ALK: variants seen among roughly 807,000 people sequenced by gnomAD.
The protein encoded by ALK is ALK tyrosine kinase receptor.
ALK carries 74 observed loss-of-function variants against 163.1 expected under a neutral mutation model. The ratio of observed to expected loss-of-function variants is 0.45; its 90% CI spans 0.38 to 0.55. The LOEUF (loss-of-function observed/expected upper bound fraction) is 0.55. Ranked by LOEUF, ALK falls within the 20% of genes least tolerant of loss-of-function variation. The pLI is 0.00. For missense variants in ALK, 2,063 were observed against 2,105.3 expected (o/e 0.98, Z 0.39); for synonymous variants, 960 against 843.2 (o/e 1.14, Z -2.40).
intron 1 of ALK, among the ~76,000 whole-genome samples, chr2:29,866,488 G>A (rs751927746): frequency 1.6e-4 from 24 of 152,148 alleles, no homozygotes; most frequent in African/African-American, 4.6e-4. Context: ...AAGAGCTGGC[G>A]GGTTTAGCGG....
chr2:29,750,693 A>AAGGAAGGC (rs1239228397), intron 1 of ALK, among the ~76,000 whole-genome samples: 1 of 98,910 alleles, frequency 1.0e-5, no homozygotes, highest in South Asian at 4.0e-4. Flanking sequence ...GGAAGGAAGG[A>AAGGAAGGC]AGGAAGGCAG....
At chr2:29,748,063 C>T (rs1405741101) in intron 1 of ALK, among the ~76,000 whole-genome samples, 1 of 152,072 alleles carries the variant, frequency 6.6e-6, no homozygotes, top group Non-Finnish European at 1.5e-5. Flanking sequence ...TCTGGGAAAA[C>T]AAAAAAGCAG....
At chr2:29,547,454 G>A (rs552393529) in intron 3 of ALK, among the ~76,000 whole-genome samples, 26 of 152,228 alleles carry the variant, frequency 1.7e-4, no homozygotes, top group African/African-American at 4.8e-4. Flanking sequence ...AAGATTAGCC[G>A]GGCATGGTGG....
intron 1 of ALK, among the ~76,000 whole-genome samples, chr2:29,862,823 A>AG (rs1258941528): frequency 8.2e-6 from 1 of 121,310 alleles, no homozygotes; most frequent in Non-Finnish European, 2.0e-5. Flanking sequence ...AGCAATCTTG[A>AG]GAAAAAAAAA....
At chr2:29,207,965 G>A (rs968431250) in intron 25 of ALK, 1 of 428,520 alleles carries the variant, frequency 2.3e-6, no homozygotes, top group Non-Finnish European at 4.9e-6. Flanking sequence ...TGTGTTACAG[G>A]AAGCAGCTTC....
chr2:29,657,933 CAG>C (rs987928844), intron 3 of ALK, among the ~76,000 whole-genome samples: 75 of 152,082 alleles, frequency 4.9e-4, no homozygotes, highest in African/African-American at 1.6e-3. Context: ...TAATTTTTGC[CAG>C]TCACTTTGGG....
At chr2:29,905,074 C>T (rs979747901) in intron 1 of ALK, among the ~76,000 whole-genome samples, 1 of 152,194 alleles carries the variant, frequency 6.6e-6, no homozygotes, top group African/African-American at 2.4e-5. Context: ...GTTGTGGGTC[C>T]TTCTCCAGAT....
intron 1 of ALK, among the ~76,000 whole-genome samples, chr2:29,858,973 C>T (rs1666214887): frequency 6.6e-6 from 1 of 152,114 alleles, no homozygotes; most frequent in African/African-American, 2.4e-5. Context: ...GTGGAGGTTG[C>T]AGTGAGCCAG....
intron 4 of ALK, among the ~76,000 whole-genome samples, chr2:29,496,381 A>G (rs946274887): frequency 1.3e-5 from 2 of 152,158 alleles, no homozygotes; most frequent in Non-Finnish European, 2.9e-5. Context: ...CTAGATTCAC[A>G]CTTGGTTCAG....
intron 3 of ALK, among the ~76,000 whole-genome samples, chr2:29,672,335 C>T (rs903096309): frequency 2.0e-5 from 3 of 149,424 alleles, no homozygotes; most frequent in Admixed American, 6.7e-5. Context: ...CTTCCCCCCA[C>T]CCCACAACAG....
chr2:29,537,768 T>C (rs893446847), intron 3 of ALK, among the ~76,000 whole-genome samples: 1 of 152,186 alleles, frequency 6.6e-6, no homozygotes, highest in Non-Finnish European at 1.5e-5. Flanking sequence ...CTCCAATCTG[T>C]GGGAGCAGCC....
Position 29,225,578 on chromosome 2 carries a change from T to A in ALK, c.3068-13A>T, listed in dbSNP as rs1018923976. Reference sequence around the variant, plus strand: ...GGGGTGGGTGACACTGGAAGACAGGTCCCACTGGGGTATTGACAACCACAC... The same window carrying A: ...GGGGTGGGTGACACTGGAAGACAGGACCCACTGGGGTATTGACAACCACAC... On this transcript the variant is annotated splice_polypyrimidine_tract_variant and intron_variant, in intron 18 of 28. Coordinates refer to ENST00000389048, the MANE Select transcript of ALK (RefSeq NM_004304.5). 9 of 1,603,076 alleles carry A rather than the reference T, an allele frequency of 5.6e-6. No homozygotes were observed. In the Admixed American group the frequency reaches 1.5e-4, roughly 27 times the overall value.
intron 1 of ALK, among the ~76,000 whole-genome samples, chr2:29,770,950 AACACACACATACACAAAT>A (rs1423228036): frequency 6.6e-6 from 1 of 151,772 alleles, no homozygotes; most frequent in East Asian, 1.9e-4. Context: ...GACACACAGA[AACACACACATACACAAAT>A]ACACAGACAT....
intron 4 of ALK, among the ~76,000 whole-genome samples, chr2:29,523,415 G>T (rs1672867662): frequency 6.6e-6 from 1 of 152,174 alleles, no homozygotes; most frequent in Non-Finnish European, 1.5e-5. Flanking sequence ...GCCCCTGGAA[G>T]GCTGAATGAG....
intron 11 of ALK, among the ~76,000 whole-genome samples, chr2:29,272,594 GT>G (rs1237645259): frequency 6.6e-6 from 1 of 152,186 alleles, no homozygotes; most frequent in African/African-American, 2.4e-5. Context: ...GGGCCTTTGC[GT>G]TTCTAGTTCT....
At chr2:29,264,344 C>T (rs146321053) in intron 11 of ALK, among the ~76,000 whole-genome samples, 129 of 152,356 alleles carry the variant, frequency 8.5e-4, no homozygotes, top group Middle Eastern at 3.4e-3. Flanking sequence ...TCTGCTCCCA[C>T]GTCCTTGAAG....
chr2:29,558,220 T>C (rs575929447), intron 3 of ALK, among the ~76,000 whole-genome samples: 1 of 152,344 alleles, frequency 6.6e-6, no homozygotes, highest in South Asian at 2.1e-4. Flanking sequence ...CACTTGAGAT[T>C]ACTCACAGAG....
intron 4 of ALK, among the ~76,000 whole-genome samples, chr2:29,510,015 G>C (rs1041619358): frequency 1.5e-4 from 23 of 152,322 alleles, no homozygotes; most frequent in East Asian, 3.9e-4. Context: ...ATGGGATCAT[G>C]GGTGTAAAGG....
At chr2:29,524,974 A>T (rs1244808291) in intron 4 of ALK, among the ~76,000 whole-genome samples, 1 of 152,092 alleles carries the variant, frequency 6.6e-6, no homozygotes, top group Non-Finnish European at 1.5e-5. Context: ...GGATGGATGG[A>T]TGGTTAGTTA....
Sources: allele counts gnomAD v4.1 joint callset (sites outside exome capture counted in the v4.1 genomes callset), GRCh38; gene constraint gnomAD v4.1.1; transcripts MANE v1.5; gene names NCBI Gene and HGNC (gene_info 2026-07-23, HGNC 2026-07-21).